ADAMTSL1: variants seen among roughly 807,000 people sequenced by gnomAD.
The protein encoded by ADAMTSL1 is ADAMTS-like protein 1.
In ADAMTSL1, 126 loss-of-function variants were observed where a neutral mutation model predicts 201.8. That is an observed-to-expected ratio of 0.62 (90% CI 0.54 to 0.72). ADAMTSL1 has a LOEUF of 0.72. ADAMTSL1 is among the 30% of genes least tolerant of loss of function. The probability of loss-of-function intolerance (pLI) is 0.00; values close to 1 mark genes in which losing one functional copy is unlikely to be tolerated. For missense variants in ADAMTSL1, 2,679 were observed against 2,277.8 expected (o/e 1.18, Z -3.59); for synonymous variants, 1,121 against 903.4 (o/e 1.24, Z -4.32).
rs1395979104 is a variant in ADAMTSL1 at position 18,777,448 on chromosome 9, C to A, written c.3219C>A (p.Thr1073=). Reference sequence around the variant, plus strand: ...TGCACCTGCCCTTCACCATGGTGACCGAGCAGCGGCGCCTGGACGACATCC... The same window carrying A: ...TGCACCTGCCCTTCACCATGGTGACAGAGCAGCGGCGCCTGGACGACATCC... ...VLLHLPFTMV[T]EQRRLDDILG... is the part of the protein sequence containing the mutation. The change falls in exon 19 of 29, where the codon ACC becomes ACA. Residue 1073 remains threonine (T), a synonymous_variant. Coordinates refer to ENST00000380548, the MANE Select transcript of ADAMTSL1 (RefSeq NM_001040272.6). 1.3e-6 allele frequency: 2 copies of A among 1,595,522 alleles called. No individual in the cohort carries two copies. Among genetic ancestry groups the A allele is most frequent in the South Asian group, 1.1e-5 (1 of 88,282 alleles).
intron 2 of ADAMTSL1, among the ~76,000 whole-genome samples, chr9:18,241,050 C>T (rs1181504740): frequency 6.6e-6 from 1 of 152,130 alleles, no homozygotes; most frequent in Non-Finnish European, 1.5e-5. Flanking sequence ...CTTTCCATAT[C>T]GTCATTATGG....
chr9:18,718,632 C>T (rs895502266), intron 14 of ADAMTSL1: 20 of 361,970 alleles, frequency 5.5e-5, no homozygotes, highest in Admixed American at 3.4e-4. Flanking sequence ...GCAGTCCTGC[C>T]GCTGCCGCCG....
At chr9:18,260,113 C>T (rs1053312452) in intron 2 of ADAMTSL1, among the ~76,000 whole-genome samples, 5 of 152,186 alleles carry the variant, frequency 3.3e-5, no homozygotes, top group African/African-American at 1.2e-4. Context: ...TATTGTTTAT[C>T]CTTGGGAAAG....
intron 9 of ADAMTSL1, among the ~76,000 whole-genome samples, chr9:18,665,316 T>C (rs925627728): frequency 7.9e-5 from 12 of 152,094 alleles, no homozygotes; most frequent in African/African-American, 2.9e-4. Context: ...AGGTAAACAT[T>C]ATACATTTGA....
chr9:18,314,045 GGAC>G (rs1238925654), intron 2 of ADAMTSL1, among the ~76,000 whole-genome samples: 2 of 152,100 alleles, frequency 1.3e-5, no homozygotes, highest in African/African-American at 4.8e-5. Context: ...GTTTCTCCAA[GGAC>G]AACGTAAAAA....
intron 13 of ADAMTSL1, among the ~76,000 whole-genome samples, chr9:18,704,191 A>G (rs1191210056): frequency 6.6e-6 from 1 of 152,198 alleles, no homozygotes; most frequent in Non-Finnish European, 1.5e-5. Context: ...TTATTGGAAC[A>G]CAGCCACACT....
intron 1 of ADAMTSL1, among the ~76,000 whole-genome samples, chr9:18,075,016 T>G (rs2131746816): frequency 6.6e-6 from 1 of 152,284 alleles, no homozygotes; most frequent in East Asian, 1.9e-4. Flanking sequence ...TATTTCCTTC[T>G]TTCCTGCCTT....
intron 14 of ADAMTSL1, among the ~76,000 whole-genome samples, chr9:18,715,445 G>A (rs9407931): frequency 1.3e-5 from 2 of 151,770 alleles, no homozygotes; most frequent in Admixed American, 1.3e-4. Flanking sequence ...ACCAACAACA[G>A]ACAAACAGAG....
chr9:18,066,285 A>C (rs931391701), intron 1 of ADAMTSL1, among the ~76,000 whole-genome samples: 1 of 152,208 alleles, frequency 6.6e-6, no homozygotes, highest in East Asian at 1.9e-4. Context: ...GAAGTATTAT[A>C]ATAAATTGCT....
chr9:18,165,665 C>T (rs1827598185), intron 2 of ADAMTSL1, among the ~76,000 whole-genome samples: 1 of 151,720 alleles, frequency 6.6e-6, no homozygotes, highest in Admixed American at 6.6e-5. Flanking sequence ...TGGAATTTTA[C>T]AAGAAAAAGA....
chr9:18,501,472 C>T (rs1307173110), intron 1 of ADAMTSL1, among the ~76,000 whole-genome samples: 1 of 145,558 alleles, frequency 6.9e-6, no homozygotes, highest in Non-Finnish European at 1.5e-5. Flanking sequence ...TCACTGCACT[C>T]CAGCCTGGGC....
intron 17 of ADAMTSL1, among the ~76,000 whole-genome samples, chr9:18,774,783 C>T (rs550918305): frequency 6.6e-6 from 1 of 152,106 alleles, no homozygotes; most frequent in African/African-American, 2.4e-5. Context: ...ATTCATTCAC[C>T]AGCTGATAGG....
chr9:18,428,897 C>G (rs1376254474), intron 2 of ADAMTSL1, among the ~76,000 whole-genome samples: 2 of 152,154 alleles, frequency 1.3e-5, no homozygotes, highest in African/African-American at 4.8e-5. Flanking sequence ...AAAAACTGAG[C>G]AGATTAGCTA....
chr9:18,619,323 T>C (rs1357697953), intron 4 of ADAMTSL1, among the ~76,000 whole-genome samples: 1 of 152,196 alleles, frequency 6.6e-6, no homozygotes, highest in Non-Finnish European at 1.5e-5. Flanking sequence ...AAGAACATTT[T>C]ATCTGATATA....
chr9:17,917,913 G>T (rs1353224926), intron 1 of ADAMTSL1, among the ~76,000 whole-genome samples: 1 of 151,938 alleles, frequency 6.6e-6, no homozygotes, highest in Non-Finnish European at 1.5e-5. Context: ...TCTTTCACAA[G>T]TTCGTCAGTT....
intron 2 of ADAMTSL1, among the ~76,000 whole-genome samples, chr9:18,439,484 AGC>A (rs1206581429): frequency 1.3e-5 from 2 of 152,140 alleles, no homozygotes; most frequent in African/African-American, 4.8e-5. Context: ...CTCCTGCCTC[AGC>A]CTCCCGAGTA....
In ADAMTSL1 at chr9:18,647,083, C is replaced by T. The variant is rs374224451; in HGVS notation, c.834+7672C>T. On this transcript the variant is annotated intron_variant, in intron 7 of 28. Transcript: ENST00000380548. ...AATTTCAGATCCTGTTATTGGTCTACTCAGAGATTCAACTTCTTCCTGGTT... is the reference window on the plus strand; with the variant it reads ...AATTTCAGATCCTGTTATTGGTCTATTCAGAGATTCAACTTCTTCCTGGTT... Among the ~76,000 whole-genome samples, 26 of 152,156 alleles carry T rather than the reference C, an allele frequency of 1.7e-4. No homozygotes were observed. In the South Asian group the frequency reaches 2.9e-3, roughly 17 times the overall value.
chr9:18,005,294 A>G (rs1385050725), intron 1 of ADAMTSL1, among the ~76,000 whole-genome samples: 1 of 152,078 alleles, frequency 6.6e-6, no homozygotes, highest in Non-Finnish European at 1.5e-5. Context: ...AGCTCACTAG[A>G]GAAGTGTGCA....
At chr9:18,521,926 A>C (rs1209384589) in intron 2 of ADAMTSL1, among the ~76,000 whole-genome samples, 1 of 152,158 alleles carries the variant, frequency 6.6e-6, no homozygotes, top group Non-Finnish European at 1.5e-5. Context: ...AGGTAAGACC[A>C]CAAGTAACCA....
Sources: allele counts gnomAD v4.1 joint callset (sites outside exome capture counted in the v4.1 genomes callset), GRCh38; gene constraint gnomAD v4.1.1; transcripts MANE v1.5; gene names NCBI Gene and HGNC (gene_info 2026-07-23, HGNC 2026-07-21).